PTPRK: variants seen among roughly 807,000 people sequenced by gnomAD.
PTPRK encodes the protein receptor-type tyrosine-protein phosphatase kappa.
A neutral mutation model predicts 178.0 loss-of-function variants in PTPRK; 75 were observed. The observed-to-expected ratio is 0.42, with a 90% CI of 0.35 to 0.51. PTPRK has a LOEUF of 0.51. Ranked by LOEUF, PTPRK falls within the 20% of genes least tolerant of loss-of-function variation. PTPRK has a pLI of 0.02. For missense variants in PTPRK, 1,441 were observed against 1,797.8 expected (o/e 0.80, Z 3.59); for synonymous variants, 637 against 620.6 (o/e 1.03, Z -0.39).
At chr6:128,261,920 A>T (rs770419093) in intron 3 of PTPRK, among the ~76,000 whole-genome samples, 1 of 152,146 alleles carries the variant, frequency 6.6e-6, no homozygotes, top group Non-Finnish European at 1.5e-5. Context: ...GCACAGCATC[A>T]AGTTGGGCCC....
chr6:128,401,379 A>G (rs1840995689), intron 1 of PTPRK, among the ~76,000 whole-genome samples: 1 of 152,218 alleles, frequency 6.6e-6, no homozygotes, highest in Admixed American at 6.5e-5. Context: ...TCTAGCATTT[A>G]GATTCTTGAG....
chr6:128,394,785 G>T (rs572488205), intron 2 of PTPRK, among the ~76,000 whole-genome samples: 1 of 152,224 alleles, frequency 6.6e-6, no homozygotes, highest in South Asian at 2.1e-4. Flanking sequence ...CTCATGAATA[G>T]AAACAATTTT....
Position 128,397,358 on chromosome 6 carries a change from T to C in PTPRK, c.223+208A>G, listed in dbSNP as rs73772031. Among the ~76,000 whole-genome samples the C allele has an allele frequency of 7.0e-3, 1,070 of 152,116 alleles. 9 individuals are homozygous for C. Among genetic ancestry groups the C allele is most frequent in the African/African-American group, 0.025 (1,030 of 41,456 alleles). On this transcript the variant is annotated intron_variant, in intron 2 of 29. Coordinates refer to ENST00000368226, the MANE Select transcript of PTPRK (RefSeq NM_002844.4). ...AAATAGAAAAAAACACTAATACTTA[T>C]CTTTTTTTTTTCAAAGACAACAAGG...
chr6:128,394,075 T>G (rs567929731), intron 2 of PTPRK, among the ~76,000 whole-genome samples: 1 of 152,194 alleles, frequency 6.6e-6, no homozygotes, highest in East Asian at 1.9e-4. Context: ...CATTGATTAG[T>G]TTTGCCTGTT....
intron 1 of PTPRK, chr6:128,491,655 C>T (rs112342264): frequency 1.4e-5 from 6 of 442,820 alleles, no homozygotes; most frequent in Non-Finnish European, 1.8e-5. Flanking sequence ...GGCTCAGGCA[C>T]TCATGTGAAC....
chr6:128,406,486 A>T (rs538963474), intron 1 of PTPRK, among the ~76,000 whole-genome samples: 1 of 152,278 alleles, frequency 6.6e-6, no homozygotes, highest in South Asian at 2.1e-4. Context: ...CCTCATTACA[A>T]CCAGTATATT....
At chr6:128,020,466 A>T (rs979895240) in intron 13 of PTPRK, among the ~76,000 whole-genome samples, 63 of 152,200 alleles carry the variant, frequency 4.1e-4, no homozygotes, top group African/African-American at 1.4e-3. Flanking sequence ...CCCTCCCACA[A>T]ACTACAGGAC....
chr6:128,477,415 A>C (rs369795627), intron 1 of PTPRK, among the ~76,000 whole-genome samples: 3,185 of 143,984 alleles, frequency 0.022, 45 homozygotes, highest in Non-Finnish European at 0.034. Flanking sequence ...GTTGCATTCA[A>C]CATTTACCAC....
At chr6:128,473,404 A>ATTTTTTT (rs67418131) in intron 1 of PTPRK, among the ~76,000 whole-genome samples, 17 of 90,882 alleles carry the variant, frequency 1.9e-4, no homozygotes, top group Admixed American at 2.5e-4. Flanking sequence ...TATGGTTACT[A>ATTTTTTT]TTTTTTTTTT....
intron 1 of PTPRK, among the ~76,000 whole-genome samples, chr6:128,412,973 T>C (rs1842468515): frequency 2.0e-5 from 3 of 152,328 alleles, no homozygotes; most frequent in African/African-American, 7.2e-5. Flanking sequence ...CATTTACAAG[T>C]GAGAAACTGT....
intron 7 of PTPRK, among the ~76,000 whole-genome samples, chr6:128,101,572 T>C (rs1327767318): frequency 6.6e-6 from 1 of 152,160 alleles, no homozygotes; most frequent in Non-Finnish European, 1.5e-5. Context: ...ACCATTAATA[T>C]TCATAGTGTA....
chr6:127,976,802 A>G lies in PTPRK; in HGVS notation c.3844-20T>C, dbSNP rs1774653632. ...GCAGCCCTAAATGATGAACGTTTTGAAAGAAAAAAAAAAAGAGTATTATTT... is the reference window on the plus strand; with the variant it reads ...GCAGCCCTAAATGATGAACGTTTTGGAAGAAAAAAAAAAAGAGTATTATTT... On this transcript the variant is annotated intron_variant, in intron 26 of 29. Transcript: ENST00000368226. 1 of 1,603,354 alleles carries G rather than the reference A, an allele frequency of 6.2e-7. No individual in the cohort carries two copies. The highest frequency in any genetic ancestry group is 8.5e-7 in the Non-Finnish European group (1 of 1,177,408).
chr6:128,130,637 G>A (rs1794082279), intron 7 of PTPRK, among the ~76,000 whole-genome samples: 1 of 152,164 alleles, frequency 6.6e-6, no homozygotes, highest in Non-Finnish European at 1.5e-5. Context: ...ATCACCGTAA[G>A]ACTTGTGAGC....
intron 1 of PTPRK, among the ~76,000 whole-genome samples, chr6:128,477,326 T>C (rs557414377): frequency 2.0e-5 from 3 of 151,924 alleles, no homozygotes; most frequent in Non-Finnish European, 4.4e-5. Context: ...CTGTACCCTA[T>C]ACACAGTTAC....
chr6:128,033,769 T>C (rs1775745153), intron 13 of PTPRK, among the ~76,000 whole-genome samples: 1 of 151,986 alleles, frequency 6.6e-6, no homozygotes, highest in Non-Finnish European at 1.5e-5. Flanking sequence ...TCCAGCTACC[T>C]GAGAGACTGA....
In PTPRK at chr6:127,995,691, T is replaced by C. The variant is rs149360863; in HGVS notation, c.2768-153A>G. Among the ~76,000 whole-genome samples, 446 of 152,200 alleles carry C rather than the reference T, an allele frequency of 2.9e-3. 4 individuals are homozygous for C. The highest frequency in any genetic ancestry group is 0.01 in the African/African-American group (419 of 41,560). ...GTCCTTTGAAGAAATATAAGAATGT[T>C]AGTGAACCTTGCTATTACACTTATA... On this transcript the variant is annotated intron_variant, in intron 17 of 29. Coordinates refer to ENST00000368226, the MANE Select transcript of PTPRK (RefSeq NM_002844.4).
chr6:128,376,480 A>G (rs1837089459), intron 2 of PTPRK, among the ~76,000 whole-genome samples: 1 of 152,088 alleles, frequency 6.6e-6, no homozygotes, highest in Non-Finnish European at 1.5e-5. Context: ...TCCGACTCAC[A>G]AAACCATCTT....
intron 1 of PTPRK, among the ~76,000 whole-genome samples, chr6:128,486,792 G>A (rs1208796252): frequency 6.7e-6 from 1 of 148,838 alleles, no homozygotes; most frequent in East Asian, 2.0e-4. Context: ...AAGAAAGACA[G>A]AAAGACAGAA....
At chr6:128,286,320 G>T (rs1231277191) in intron 3 of PTPRK, among the ~76,000 whole-genome samples, 1 of 151,946 alleles carries the variant, frequency 6.6e-6, no homozygotes, top group Non-Finnish European at 1.5e-5. Flanking sequence ...AAATATTTTT[G>T]TTCTCCTTCT....
Sources: allele counts gnomAD v4.1 joint callset (sites outside exome capture counted in the v4.1 genomes callset), GRCh38; gene constraint gnomAD v4.1.1; transcripts MANE v1.5; gene names NCBI Gene and HGNC (gene_info 2026-07-23, HGNC 2026-07-21).